The following EIF2AK4 variants were observed in gnomAD, a reference collection of about 807,000 sequenced individuals.
EIF2AK4 encodes eukaryotic translation initiation factor 2 alpha kinase 4, also known as eIF-2-alpha kinase GCN2.
EIF2AK4 carries 139 observed loss-of-function variants against 211.1 expected under a neutral mutation model. The observed-to-expected ratio is 0.66, with a 90% CI of 0.57 to 0.76. EIF2AK4 has a LOEUF of 0.76. Among genes scored for constraint, EIF2AK4 ranks in the 30% least tolerant of loss-of-function variants. The pLI, the probability that EIF2AK4 is intolerant of heterozygous loss-of-function variation, is 0.00. For missense variants in EIF2AK4, 1,664 were observed against 2,043.8 expected (o/e 0.81, Z 3.58); for synonymous variants, 710 against 751.3 (o/e 0.94, Z 0.90).
intron 27 of EIF2AK4, among the ~76,000 whole-genome samples, chr15:40,013,764 G>A (rs2035269337): frequency 6.6e-6 from 1 of 152,102 alleles, no homozygotes; most frequent in Non-Finnish European, 1.5e-5. Context: ...AATTTGCATG[G>A]GGACACAGCT....
At chr15:39,990,226 T>C (rs1322177658) in intron 15 of EIF2AK4, 47 bp from the exon 16 acceptor site, 1 of 1,581,232 alleles carries the variant, frequency 6.3e-7, no homozygotes, top group African/African-American at 1.3e-5. Context: ...TAGGTATAAC[T>C]TTATGCATGG....
chr15:40,015,714 A>G (rs1188758646), intron 27 of EIF2AK4, among the ~76,000 whole-genome samples: 1 of 152,238 alleles, frequency 6.6e-6, no homozygotes, highest in African/African-American at 2.4e-5. Flanking sequence ...TGTCAATCTG[A>G]GCCTTCATTT....
rs759761201 is a variant in EIF2AK4 at position 39,985,818 on chromosome 15, A to T, written c.2333A>T (p.Asn778Ile). The T allele has an allele frequency of 3.3e-5, 53 of 1,613,982 alleles. No homozygotes were observed. The highest frequency in any genetic ancestry group is 1.6e-4 in the Middle Eastern group (1 of 6,084). ...SKSQNQDEDC[N>I]EKNGCHESEP... ...GTCTTGGGTTAGGATGAAGATTGCA[A>T]TGAAAAGAATGGCTGCCATGAAAGT... is the stretch of plus-strand genomic sequence containing the variant. The change falls in exon 14 of 39, where the codon AAT (asparagine) becomes ATT (isoleucine). Residue 778 changes from asparagine (N) to isoleucine (I), a missense_variant. Asn to Ile is a moderately radical substitution (Grantham distance 149, BLOSUM62 -3). Coordinates refer to ENST00000263791, the MANE Select transcript of EIF2AK4 (RefSeq NM_001013703.4).
chr15:39,951,899 A>G (rs1166933405), intron 4 of EIF2AK4, among the ~76,000 whole-genome samples: 1 of 152,248 alleles, frequency 6.6e-6, no homozygotes, highest in Non-Finnish European at 1.5e-5. Context: ...TCTCAAGTGC[A>G]TCTTAACTGC....
At chr15:40,007,486 A>G (rs571447088) in intron 24 of EIF2AK4, among the ~76,000 whole-genome samples, 21 of 152,344 alleles carry the variant, frequency 1.4e-4, no homozygotes, top group African/African-American at 3.8e-4. Flanking sequence ...CTGCTTGTAG[A>G]GAAGTGGAGT....
chr15:39,995,781 T>C (rs7177179), intron 18 of EIF2AK4, among the ~76,000 whole-genome samples: 37,568 of 152,134 alleles, frequency 0.25, 5,689 homozygotes, highest in Middle Eastern at 0.35. Flanking sequence ...TGTTTTGATA[T>C]ATGTTTACAT....
At chr15:39,976,970 A>G in intron 12 of EIF2AK4, 126 bp downstream of exon 12, 1 of 1,220,538 alleles carries the variant, frequency 8.2e-7, no homozygotes, top group Non-Finnish European at 1.1e-6. Context: ...TCCTTTTTTG[A>G]GATAGGGTCT....
At chr15:40,020,717 G>A (rs1396531379) in intron 30 of EIF2AK4, 182 bp from the exon 31 acceptor site, 1 of 398,422 alleles carries the variant, frequency 2.5e-6, no homozygotes. Context: ...TTGTTTGAGT[G>A]TGTCTTTTTT....
At chr15:39,989,442 A>T (rs992462068) in intron 15 of EIF2AK4, among the ~76,000 whole-genome samples, 3 of 152,234 alleles carry the variant, frequency 2.0e-5, no homozygotes, top group African/African-American at 7.2e-5. Flanking sequence ...ATGAAAATGA[A>T]TTCTAATGAG....
chr15:39,979,631 T>C (rs2034752038), intron 13 of EIF2AK4, among the ~76,000 whole-genome samples: 1 of 152,218 alleles, frequency 6.6e-6, no homozygotes, highest in African/African-American at 2.4e-5. Context: ...TAAGAATTAG[T>C]TTTGAAATCT....
At chr15:39,976,266 GT>G in intron 11 of EIF2AK4, 147 bp from the exon 12 acceptor site, 2 of 800,326 alleles carry the variant, frequency 2.5e-6, no homozygotes, top group Non-Finnish European at 3.6e-6. Context: ...GCTTTCTTCA[GT>G]TTAAGAATTT....
At chr15:39,983,413 T>C (rs1157491563) in intron 13 of EIF2AK4, among the ~76,000 whole-genome samples, 3 of 152,138 alleles carry the variant, frequency 2.0e-5, no homozygotes, top group Non-Finnish European at 4.4e-5. Context: ...TCTTGTAAAT[T>C]TGTTTAAGTT....
intron 6 of EIF2AK4, among the ~76,000 whole-genome samples, 196 bp from the exon 7 acceptor site, chr15:39,961,588 G>A (rs1204642714): frequency 6.6e-6 from 1 of 152,170 alleles, no homozygotes. Context: ...GAAGTGAATG[G>A]CTTTCCCATT....
chr15:39,976,467 C>T lies in EIF2AK4; in HGVS notation c.1872C>T (p.Asn624=), dbSNP rs961750841. ...ACGCAGTGAAGCGCATCCCCATCAA[C>T]CCGGCCAGCCGGCAGTTCCGCAGGA... The part of the protein sequence containing the change: ...CCYAVKRIPI[N]PASRQFRRIK... Residue 624 remains asparagine (N), a synonymous_variant, in exon 12 of 39, where the codon AAC becomes AAT. Transcript: ENST00000263791. The T allele has an allele frequency of 1.1e-5, 17 of 1,610,594 alleles. No individual in the cohort carries two copies. Among genetic ancestry groups the T allele is most frequent in the Non-Finnish European group, 1.4e-5 (17 of 1,179,144 alleles).
chr15:39,961,561 G>A (rs1157518622), intron 6 of EIF2AK4, among the ~76,000 whole-genome samples: 1 of 152,150 alleles, frequency 6.6e-6, no homozygotes, highest in Non-Finnish European at 1.5e-5. Flanking sequence ...TGGAGAAGAT[G>A]ACAATGGGAA....
At chr15:39,953,832 C>A in intron 4 of EIF2AK4, 72 bp from the exon 5 acceptor site, 1 of 1,439,372 alleles carries the variant, frequency 6.9e-7, no homozygotes, top group Non-Finnish European at 9.5e-7. Context: ...AAAGATTTTT[C>A]TGTAGTTCCA....
intron 13 of EIF2AK4, among the ~76,000 whole-genome samples, chr15:39,983,104 C>G (rs988959990): frequency 1.3e-5 from 2 of 152,160 alleles, no homozygotes; most frequent in Non-Finnish European, 2.9e-5. Context: ...AGTTCTAGAT[C>G]CTTGAGGAAT....
At chr15:40,022,294 C>A in intron 31 of EIF2AK4, 2 of 417,654 alleles carry the variant, frequency 4.8e-6, no homozygotes, top group Non-Finnish European at 4.3e-6. Flanking sequence ...ATTGATTATT[C>A]ATGGCCCTTT....
intron 6 of EIF2AK4, among the ~76,000 whole-genome samples, chr15:39,961,051 C>A (rs2034464720): frequency 6.6e-6 from 1 of 152,106 alleles, no homozygotes; most frequent in South Asian, 2.1e-4. Context: ...AACCCTCTCC[C>A]CTAATTTATT....
Sources: gnomAD v4.1 joint callset for allele counts (sites outside exome capture counted in the v4.1 genomes callset) on GRCh38, gnomAD v4.1.1 for gene constraint, MANE v1.5 for transcripts, NCBI Gene and HGNC (gene_info 2026-07-23, HGNC 2026-07-21) for gene names.